The following ZFP30 variants were observed in gnomAD, a reference collection of about 807,000 sequenced individuals.
The protein encoded by ZFP30 is ZFP30 zinc finger protein, also known as zinc finger protein 30 homolog.
In ZFP30, 16 loss-of-function variants were observed where a neutral mutation model predicts 12.3. That is an observed-to-expected ratio of 1.30 (90% CI 0.88 to 1.98). The LOEUF (loss-of-function observed/expected upper bound fraction) is 1.98, where lower values mean the gene tolerates loss of function less well. ZFP30 is among the 30% of genes most tolerant of loss of function. The probability of loss-of-function intolerance (pLI) is 0.00; values close to 1 mark genes in which losing one functional copy is unlikely to be tolerated. For missense variants in ZFP30, 560 were observed against 611.2 expected (o/e 0.92, Z 0.88); for synonymous variants, 172 against 201.0 (o/e 0.86, Z 1.22).
intron 2 of ZFP30, among the ~76,000 whole-genome samples, chr19:37,648,924 G>A (rs931692496): frequency 2.6e-5 from 4 of 152,164 alleles, no homozygotes; most frequent in Non-Finnish European, 4.4e-5. Flanking sequence ...TATGAAGCCT[G>A]AGTGTGGATA....
At chr19:37,643,495 T>C (rs2044478949) in intron 4 of ZFP30, 132 bp from the exon 5 acceptor site, 1 of 514,244 alleles carries the variant, frequency 1.9e-6, no homozygotes, top group East Asian at 4.0e-5. Context: ...AACACAGAAG[T>C]AGGGACCTGG....
In ZFP30 at chr19:37,631,363, C is replaced by T. The variant is rs966107792; in HGVS notation, c.*3618G>A. On this transcript the variant is annotated 3_prime_UTR_variant, in exon 6 of 6. Coordinates refer to ENST00000684514, the MANE Select transcript of ZFP30 (RefSeq NM_001320669.3). ...TTTCTTAATTATTAATTTTAATATG[C>T]TCATTTAACCACAGAATGCTTTCTA... 6.6e-6 allele frequency: 1 copy of T among 152,148 alleles called. No homozygotes were observed. Among genetic ancestry groups the T allele is most frequent in the Admixed American group, 6.5e-5 (1 of 15,274 alleles). The allele number at this position is 152,148 out of a possible 1,614,324, so 9.4% of individuals were successfully genotyped here.
At chr19:37,642,551 G>A (rs541231330) in intron 5 of ZFP30, among the ~76,000 whole-genome samples, 6 of 152,154 alleles carry the variant, frequency 3.9e-5, no homozygotes, top group Admixed American at 2.0e-4. Context: ...TCCATTTACT[G>A]ATTTTATTTA....
Position 37,636,323 on chromosome 19 carries a change from C to T in ZFP30, c.236-18G>A. The T allele has an allele frequency of 1.3e-6, 2 of 1,527,094 alleles. No homozygotes were observed. The highest frequency in any genetic ancestry group is 1.7e-6 in the Non-Finnish European group (2 of 1,143,522). 94.6% of individuals were successfully genotyped at this position (1,527,094 alleles called of 1,614,324 possible). ...TTCCAAATCTGAAAGAAAACAAGAC[C>T]AAAACATATTTTCCTGTTCTACACA... is the stretch of plus-strand genomic sequence containing the variant. On this transcript the variant is annotated intron_variant, in intron 5 of 5. Coordinates refer to ENST00000684514, the MANE Select transcript of ZFP30 (RefSeq NM_001320669.3).
At chr19:37,649,994 T>A (rs903007238) in intron 2 of ZFP30, among the ~76,000 whole-genome samples, 9 of 152,120 alleles carry the variant, frequency 5.9e-5, no homozygotes, top group Non-Finnish European at 1.5e-5. Context: ...GTAAACTACA[T>A]ACACATGCAT....
At position 37,633,994 on chromosome 19, in the gene ZFP30, T is replaced by G. The variant is rs1354588239; in HGVS notation, c.*987A>C. On this transcript the variant is annotated 3_prime_UTR_variant, in exon 6 of 6. Coordinates refer to ENST00000684514, the MANE Select transcript of ZFP30 (RefSeq NM_001320669.3). ...ATCTAATATTGTCAATATTCCATTC[T>G]CCCAATTATTGTTAAGTATCTCTTC... The G allele has an allele frequency of 1.3e-5, 2 of 152,206 alleles. No individual in the cohort carries two copies. The highest frequency in any genetic ancestry group is 4.8e-5 in the African/African-American group (2 of 41,452). The allele number at this position is 152,206 out of a possible 1,614,324, so 9.4% of individuals were successfully genotyped here. A position where few individuals can be genotyped will look rare whatever the true frequency, so the allele number is the denominator to read the frequency against.
rs1302252550 is a variant in ZFP30, at chr19:37,634,293, G to T, written c.*688C>A. On this transcript the variant is annotated 3_prime_UTR_variant, in exon 6 of 6. Transcript: ENST00000684514. The stretch of plus-strand genomic sequence containing the variant: ...GCTTAAATTCAGGTTCAATATTTTT[G>T]GCAAGATGTGTATATCTTACTGTAG... 3 of 151,950 alleles carry T rather than the reference G, an allele frequency of 2.0e-5. No homozygotes were observed. Among genetic ancestry groups the T allele is most frequent in the African/African-American group, 4.8e-5 (2 of 41,350 alleles). The allele number at this position is 151,950 out of a possible 1,614,324, so 9.4% of individuals were successfully genotyped here. A position where few individuals can be genotyped will look rare whatever the true frequency, so the allele number is the denominator to read the frequency against.
chr19:37,654,114 A>G (rs2044705813), intron 2 of ZFP30, among the ~76,000 whole-genome samples: 1 of 152,234 alleles, frequency 6.6e-6, no homozygotes, highest in African/African-American at 2.4e-5. Flanking sequence ...ACAACACCGT[A>G]AAGTATACAC....
intron 4 of ZFP30, among the ~76,000 whole-genome samples, chr19:37,643,585 C>T (rs902863249): frequency 3.3e-5 from 5 of 152,172 alleles, no homozygotes; most frequent in Non-Finnish European, 5.9e-5. Flanking sequence ...CAAATCCTGC[C>T]TCTCTTTCCC....
chr19:37,631,554 C>T lies in ZFP30; in HGVS notation c.*3427G>A, dbSNP rs972235696. 14 of 151,838 alleles carry T rather than the reference C, an allele frequency of 9.2e-5. No individual in the cohort carries two copies. The highest frequency in any genetic ancestry group is 2.1e-4 in the South Asian group (1 of 4,822). 9.4% of individuals were successfully genotyped at this position (151,838 alleles called of 1,614,324 possible). ...TAATGGATGACCACGGTGAAATCAC[C>T]GAAGTCCAACTGATGCAATCATTTA... is the stretch of plus-strand genomic sequence containing the variant. On this transcript the variant is annotated 3_prime_UTR_variant, in exon 6 of 6. Transcript: ENST00000684514.
chr19:37,638,867 A>G (rs1361792102), intron 5 of ZFP30, among the ~76,000 whole-genome samples: 1 of 152,230 alleles, frequency 6.6e-6, no homozygotes, highest in African/African-American at 2.4e-5. Flanking sequence ...CTGGTATCCT[A>G]GTAAAGCTCT....
In ZFP30 at chr19:37,645,459, ATTC is replaced by A. The variant is rs1289717677; in HGVS notation, c.10-726_10-724del. Reference sequence around the variant, plus strand: ...ATACCACATATGGTCTCTGTTCCACATTCTTCTTTTTTTTTGTAACAATTATTT... The same window carrying A: ...ATACCACATATGGTCTCTGTTCCACATTCTTTTTTTTTGTAACAATTATTT... On this transcript the variant is annotated intron_variant, in intron 3 of 5. Coordinates refer to ENST00000684514, the MANE Select transcript of ZFP30 (RefSeq NM_001320669.3). Among the ~76,000 whole-genome samples the A allele has an allele frequency of 4.0e-5, 6 of 151,542 alleles. No homozygotes were observed. The South Asian group carries it at 6.3e-4, about 16-fold the overall frequency.
chr19:37,643,280 T>C lies in ZFP30; in HGVS notation c.220A>G (p.Arg74Gly). 1 of 1,611,408 alleles carries C rather than the reference T, an allele frequency of 6.2e-7. No homozygotes were observed. The highest frequency in any genetic ancestry group is 8.5e-7 in the Non-Finnish European group (1 of 1,179,028). Residue 74 changes from arginine (R) to glycine (G), a missense_variant, in exon 5 of 6, where the codon AGA becomes GGA. Transcript: ENST00000684514. The part of the protein sequence containing the change: ...EPWMVVRDEK[R>G]RWTLDLESRY... ...CAGCACTTACCTAGAGTCCATCTTCTTTTCTCATCCCTCACAACCATCCAG... is the reference window on the plus strand; with the variant it reads ...CAGCACTTACCTAGAGTCCATCTTCCTTTCTCATCCCTCACAACCATCCAG...
chr19:37,634,002 ATTG>A lies in ZFP30; in HGVS notation c.*976_*978del, dbSNP rs1024347755. On this transcript the variant is annotated 3_prime_UTR_variant, in exon 6 of 6. Transcript: ENST00000684514. ...TTGTCAATATTCCATTCTCCCAATT[ATTG>A]TTAAGTATCTCTTCTTTTACATGTT... The A allele has an allele frequency of 5.9e-5, 9 of 152,278 alleles. No homozygotes were observed. The South Asian group carries it at 8.3e-4, about 14-fold the overall frequency. The allele number at this position is 152,278 out of a possible 1,614,324, so 9.4% of individuals were successfully genotyped here. A position where few individuals can be genotyped will look rare whatever the true frequency, so the allele number is the denominator to read the frequency against.
intron 5 of ZFP30, 60 bp downstream of exon 5, chr19:37,643,205 T>C: frequency 7.2e-7 from 1 of 1,384,226 alleles, no homozygotes; most frequent in South Asian, 1.3e-5. Flanking sequence ...GTGTGTCTCC[T>C]CCTCAACCAG....
At chr19:37,645,591 A>G (rs1159999347) in intron 3 of ZFP30, among the ~76,000 whole-genome samples, 1 of 149,054 alleles carries the variant, frequency 6.7e-6, no homozygotes, top group African/African-American at 2.5e-5. Context: ...AAAACTTCCT[A>G]CGTACTATGG....
intron 5 of ZFP30, among the ~76,000 whole-genome samples, chr19:37,640,601 T>C (rs1330648858): frequency 1.3e-5 from 2 of 151,064 alleles, no homozygotes; most frequent in Non-Finnish European, 3.0e-5. Context: ...AAAAATAAAA[T>C]AGGGGCAGGG....
At chr19:37,647,250 T>C (rs1010663712) in intron 3 of ZFP30, among the ~76,000 whole-genome samples, 1 of 152,222 alleles carries the variant, frequency 6.6e-6, no homozygotes, top group Non-Finnish European at 1.5e-5. Context: ...ATTTGGTCAA[T>C]GCACACATGG....
intron 2 of ZFP30, among the ~76,000 whole-genome samples, chr19:37,654,455 T>C (rs1356395356): frequency 6.6e-6 from 1 of 152,190 alleles, no homozygotes; most frequent in Non-Finnish European, 1.5e-5. Context: ...TTCCATATCA[T>C]CAAGATCCTT....
Sources: allele counts gnomAD v4.1 joint callset (sites outside exome capture counted in the v4.1 genomes callset), GRCh38; gene constraint gnomAD v4.1.1; transcripts MANE v1.5; gene names NCBI Gene and HGNC (gene_info 2026-07-23, HGNC 2026-07-21).